The following PAX4 variants were observed in gnomAD, a reference collection of about 807,000 sequenced individuals.
The protein encoded by PAX4 is paired box 4, also known as paired box protein Pax-4.
In PAX4, 33 loss-of-function variants were observed where a neutral mutation model predicts 40.6. That is an observed-to-expected ratio of 0.81 (90% CI 0.62 to 1.09). PAX4 has a LOEUF of 1.09. Ranked by LOEUF, PAX4 falls within the 50% of genes least tolerant of loss-of-function variation. The pLI, the probability that PAX4 is intolerant of heterozygous loss-of-function variation, is 0.00. For synonymous variants in PAX4, 174 were observed against 170.6 expected (o/e 1.02, Z -0.16); for missense variants, 459 against 442.5 (o/e 1.04, Z -0.33).
At chr7:127,613,557 T>G in intron 7 of PAX4, 25 bp from the exon 8 acceptor site, 1 of 1,612,978 alleles carries the variant, frequency 6.2e-7, no homozygotes, top group Non-Finnish European at 8.5e-7. Flanking sequence ...TCTCACAAAG[T>G]AAGGGCACCG....
chr7:127,616,949 A>G (rs1314773337), intron 2 of PAX4, among the ~76,000 whole-genome samples: 1 of 152,206 alleles, frequency 6.6e-6, no homozygotes, highest in Non-Finnish European at 1.5e-5. Context: ...GGAGTTGAAG[A>G]TGCCTCCTTT....
chr7:127,615,126 G>A (rs754213669), intron 4 of PAX4, 31 bp from the exon 5 acceptor site: 2 of 1,614,008 alleles, frequency 1.2e-6, no homozygotes, highest in Non-Finnish European at 1.7e-6. Context: ...GGACAGGTGA[G>A]GCATGATGGG....
At chr7:127,615,201 C>A (rs773214232) in intron 4 of PAX4, 106 bp from the exon 5 acceptor site, 6 of 1,601,796 alleles carry the variant, frequency 3.7e-6, no homozygotes, top group East Asian at 2.2e-5. Flanking sequence ...ACTTACTGGA[C>A]CAGGCCATGA....
In PAX4 at chr7:127,614,953, G is replaced by A; in HGVS notation, c.287C>T (p.Pro96Leu). The A allele has an allele frequency of 6.2e-7, 1 of 1,614,206 alleles. No homozygotes were observed. The highest frequency in any genetic ancestry group is 8.5e-7 in the Non-Finnish European group (1 of 1,180,040). ...ARIAQLKGEC[P>L]ALFAWEIQRQ... ...TTGGATTTCCCAGGCAAAGAGGGCT[G>A]GACACTCACCCTTCAGCTGGGCAAT... is the stretch of plus-strand genomic sequence containing the variant. Residue 96 changes from proline to leucine, a missense_variant, in exon 5 of 12, where the codon CCA (proline) becomes CTA (leucine). Coordinates refer to ENST00000639438, the MANE Select transcript of PAX4 (RefSeq NM_001366110.1).
In PAX4 at chr7:127,613,434, T is replaced by C. The variant is rs1198574773; in HGVS notation, c.645+16A>G. On this transcript the variant is annotated intron_variant, in intron 8 of 11. Transcript: ENST00000639438. ...TTCCTCCTTGTGGTTTGTACAGTGT[T>C]GCAGAGCTCACTCACCCTCACCGTG... 8 of 1,612,706 alleles carry C rather than the reference T, an allele frequency of 5.0e-6. No homozygotes were observed.
chr7:127,615,850 A>G, intron 3 of PAX4, 66 bp downstream of exon 3: 1 of 1,534,808 alleles, frequency 6.5e-7, no homozygotes, highest in Admixed American at 2.0e-5. Flanking sequence ...GATGGAAGCA[A>G]AGCCCTGAGG....
chr7:127,613,995 G>T, intron 6 of PAX4, 114 bp from the exon 7 acceptor site: 1 of 1,269,224 alleles, frequency 7.9e-7, no homozygotes, highest in South Asian at 1.3e-5. Context: ...GAAGAGCAGA[G>T]CCAAGCTGGT....
chr7:127,615,643 C>T (rs1794713054), intron 3 of PAX4, 112 bp from the exon 4 acceptor site: 2 of 1,592,016 alleles, frequency 1.3e-6, no homozygotes, highest in Non-Finnish European at 1.7e-6. Flanking sequence ...AGTGCATCCT[C>T]TCCTGGGAGA....
chr7:127,614,753 T>G (rs1794695951), intron 5 of PAX4, 127 bp downstream of exon 5: 12 of 1,345,942 alleles, frequency 8.9e-6, no homozygotes, highest in Non-Finnish European at 1.2e-5. Flanking sequence ...GAAAAACTTA[T>G]GGGTCAGAAT....
chr7:127,611,471 T>C (rs1333257890), intron 11 of PAX4, 64 bp downstream of exon 11: 3 of 1,611,024 alleles, frequency 1.9e-6, no homozygotes, highest in African/African-American at 2.7e-5. Flanking sequence ...CATGCCCTCC[T>C]GGAGGTTGAG....
intron 11 of PAX4, 142 bp downstream of exon 11, chr7:127,611,393 T>G: frequency 6.5e-7 from 1 of 1,543,288 alleles, no homozygotes; most frequent in Non-Finnish European, 8.9e-7. Context: ...GTCTCCGTAA[T>G]TTTGTGGACC....
At chr7:127,617,796 GA>G (rs1455635056) in intron 1 of PAX4, among the ~76,000 whole-genome samples, 165 bp downstream of exon 1, 2 of 152,166 alleles carry the variant, frequency 1.3e-5, no homozygotes, top group Admixed American at 6.5e-5. Context: ...TAACATGTCT[GA>G]AAAAATAACT....
intron 7 of PAX4, 109 bp from the exon 8 acceptor site, chr7:127,613,641 T>C (rs1794673633): frequency 6.5e-7 from 1 of 1,544,666 alleles, no homozygotes; most frequent in South Asian, 1.1e-5. Context: ...ACCTTCCTCC[T>C]CAAGGCAGGG....
In PAX4 at chr7:127,611,938, C is replaced by A. The variant is rs758421447; in HGVS notation, c.771+7G>T. ...CAGGGCACAGACTCCCCTCTCCTCC[C>A]GAGTACCTGTGCAGAGATGATTCCT... On this transcript the variant is annotated splice_region_variant and intron_variant, in intron 10 of 11. Coordinates refer to ENST00000639438, the MANE Select transcript of PAX4 (RefSeq NM_001366110.1). The A allele has an allele frequency of 2.5e-6, 4 of 1,613,922 alleles. No homozygotes were observed. The African/African-American group carries it at 5.3e-5, about 22-fold the overall frequency.
chr7:127,611,417 G>A, intron 11 of PAX4, 118 bp downstream of exon 11: 1 of 1,582,120 alleles, frequency 6.3e-7, no homozygotes, highest in Non-Finnish European at 8.6e-7. Context: ...CAAAGAATGA[G>A]GAAAGCTGTA....
rs2233585 is a variant in PAX4, at chr7:127,610,874, G to T, written c.*190C>A. 6.5e-7 allele frequency: 1 copy of T among 1,539,686 alleles called. No homozygotes were observed. The highest frequency in any genetic ancestry group is 8.7e-7 in the Non-Finnish European group (1 of 1,146,924). ...AGGCTAGTGTGAGAAGTGGGTGGGT[G>T]TTGCTTTACCAGCCCCTCCAATCAG... On this transcript the variant is annotated 3_prime_UTR_variant, in exon 12 of 12. Coordinates refer to ENST00000639438, the MANE Select transcript of PAX4 (RefSeq NM_001366110.1).
Position 127,616,042 on chromosome 7 carries a change from G to A in PAX4, c.-99-15C>T, listed in dbSNP as rs186407012. The A allele has an allele frequency of 1.7e-5, 21 of 1,220,922 alleles. No homozygotes were observed. The Admixed American group carries it at 2.7e-4, about 16-fold the overall frequency. The allele number at this position is 1,220,922 out of a possible 1,614,324, so 75.6% of individuals were successfully genotyped here. On this transcript the variant is annotated splice_polypyrimidine_tract_variant and intron_variant, in intron 2 of 11. Transcript: ENST00000639438. Reference sequence around the variant, plus strand: ...GGGGGCTGGCTCTGCAATAATGGGGGGTTATTTGGGTGAGGTCTTTTGCTT... The same window carrying A: ...GGGGGCTGGCTCTGCAATAATGGGGAGTTATTTGGGTGAGGTCTTTTGCTT...
Position 127,610,703 on chromosome 7 carries a change from A to C in PAX4, c.*361T>G. The stretch of plus-strand genomic sequence containing the variant: ...CATGCATAGATTAGATGGTAGATAC[A>C]TAGATGTAAATAAATGATAGGGCAA... On this transcript the variant is annotated 3_prime_UTR_variant, in exon 12 of 12. Coordinates refer to ENST00000639438, the MANE Select transcript of PAX4 (RefSeq NM_001366110.1). 1.6e-6 allele frequency: 1 copy of C among 627,124 alleles called. No individual in the cohort carries two copies. The highest frequency in any genetic ancestry group is 1.9e-5 in the South Asian group (1 of 52,228). The allele number at this position is 627,124 out of a possible 1,614,324, so 38.8% of individuals were successfully genotyped here. A position where few individuals can be genotyped will look rare whatever the true frequency, so the allele number is the denominator to read the frequency against.
At chr7:127,616,867 G>A (rs538255526) in intron 2 of PAX4, among the ~76,000 whole-genome samples, 14 of 152,328 alleles carry the variant, frequency 9.2e-5, no homozygotes, top group East Asian at 1.9e-4. Flanking sequence ...GAGCCCAAGC[G>A]AGTCTCTGAG....
Sources: gnomAD v4.1 joint callset for allele counts (sites outside exome capture counted in the v4.1 genomes callset) on GRCh38, gnomAD v4.1.1 for gene constraint, MANE v1.5 for transcripts, NCBI Gene and HGNC (gene_info 2026-07-23, HGNC 2026-07-21) for gene names.